The following NPAS3 variants were observed in gnomAD, a reference collection of about 807,000 sequenced individuals.
NPAS3 encodes neuronal PAS domain protein 3, also known as neuronal PAS domain-containing protein 3.
A neutral mutation model predicts 73.1 loss-of-function variants in NPAS3; 14 were observed. The observed-to-expected ratio is 0.19, with a 90% CI of 0.13 to 0.30. The LOEUF (loss-of-function observed/expected upper bound fraction) is 0.30, where lower values mean the gene tolerates loss of function less well. Ranked by LOEUF, NPAS3 falls within the 10% of genes least tolerant of loss-of-function variation. NPAS3 has a pLI of 1.00. For synonymous variants in NPAS3, 620 were observed against 541.5 expected (o/e 1.14, Z -2.01); for missense variants, 1,096 against 1,250.0 (o/e 0.88, Z 1.86).
At chr14:33,732,889 C>A (rs2061434453) in intron 6 of NPAS3, among the ~76,000 whole-genome samples, 1 of 149,160 alleles carries the variant, frequency 6.7e-6, no homozygotes, top group African/African-American at 2.6e-5. Context: ...CTTCACCCAG[C>A]TGGAAGCACC....
chr14:33,411,345 G>T (rs918989099), intron 4 of NPAS3, among the ~76,000 whole-genome samples: 1 of 152,030 alleles, frequency 6.6e-6, no homozygotes, highest in African/African-American at 2.4e-5. Context: ...ACTATGCCCA[G>T]CTAATTTTTG....
chr14:33,308,527 T>TATATATATATATATAC, intron 3 of NPAS3, among the ~76,000 whole-genome samples: 58 of 103,708 alleles, frequency 5.6e-4, no homozygotes, highest in Non-Finnish European at 8.6e-4. Context: ...TATATATATA[T>TATATATATATATATAC]ACATACACAC....
chr14:33,245,275 C>A (rs10146868), intron 3 of NPAS3, among the ~76,000 whole-genome samples: 142,873 of 152,266 alleles, frequency 0.94, 67,157 homozygotes, highest in Non-Finnish European at 0.97. Context: ...ATAATAACTA[C>A]TACTACTGAG....
intron 3 of NPAS3, among the ~76,000 whole-genome samples, chr14:33,359,102 AG>A (rs970438240): frequency 6.6e-6 from 1 of 152,218 alleles, no homozygotes; most frequent in Non-Finnish European, 1.5e-5. Flanking sequence ...GTGGCCCAAA[AG>A]CTAAGGAGAG....
chr14:33,206,378 T>A (rs1359512128), intron 2 of NPAS3, among the ~76,000 whole-genome samples: 1 of 152,156 alleles, frequency 6.6e-6, no homozygotes, highest in African/African-American at 2.4e-5. Flanking sequence ...CCCAGGAATG[T>A]CCTGCTTTTA....
At chr14:33,672,879 T>C (rs2059651430) in intron 5 of NPAS3, among the ~76,000 whole-genome samples, 1 of 152,130 alleles carries the variant, frequency 6.6e-6, no homozygotes, top group East Asian at 1.9e-4. Context: ...TAATAGATGG[T>C]TTTTAAGGTG....
intron 9 of NPAS3, among the ~76,000 whole-genome samples, chr14:33,783,602 G>A (rs1308494224): frequency 1.4e-5 from 2 of 142,076 alleles, no homozygotes; most frequent in Non-Finnish European, 3.1e-5. Context: ...GGGTGGTGTG[G>A]GGGGGCGGGT....
intron 4 of NPAS3, among the ~76,000 whole-genome samples, chr14:33,388,658 G>C (rs2046874686): frequency 6.6e-6 from 1 of 152,128 alleles, no homozygotes. Context: ...GCTGAGACAT[G>C]TTTCAGAAAA....
At chr14:32,988,793 A>G (rs1353777729) in intron 1 of NPAS3, among the ~76,000 whole-genome samples, 1 of 152,230 alleles carries the variant, frequency 6.6e-6, no homozygotes, top group African/African-American at 2.4e-5. Context: ...TACTTAATTT[A>G]TACCCCTTAA....
intron 6 of NPAS3, among the ~76,000 whole-genome samples, chr14:33,722,364 G>T (rs1354766715): frequency 6.6e-6 from 1 of 152,104 alleles, no homozygotes; most frequent in Non-Finnish European, 1.5e-5. Context: ...AAGGAAAGGG[G>T]GGGTAATTCT....
intron 1 of NPAS3, among the ~76,000 whole-genome samples, chr14:32,949,560 G>A (rs1652250707): frequency 6.6e-6 from 1 of 151,952 alleles, no homozygotes. Flanking sequence ...AACCAAATAA[G>A]CAAAGAGAAA....
intron 5 of NPAS3, among the ~76,000 whole-genome samples, chr14:33,629,079 C>CA (rs997604473): frequency 1.2e-4 from 18 of 151,520 alleles, no homozygotes; most frequent in Non-Finnish European, 1.8e-4. Flanking sequence ...AAAAAAATAC[C>CA]AAAAAAATAG....
chr14:33,508,898 C>G (rs1021422552), intron 4 of NPAS3, among the ~76,000 whole-genome samples: 19 of 152,144 alleles, frequency 1.2e-4, no homozygotes, highest in Non-Finnish European at 2.4e-4. Context: ...CATCCCCTGA[C>G]AGGCCCATGG....
intron 7 of NPAS3, among the ~76,000 whole-genome samples, chr14:33,744,750 A>C (rs1415221685): frequency 6.6e-6 from 1 of 151,814 alleles, no homozygotes; most frequent in Non-Finnish European, 1.5e-5. Context: ...AGATTGCGCC[A>C]CTGCACTCCA....
At chr14:33,606,230 C>G (rs1239880184) in intron 5 of NPAS3, among the ~76,000 whole-genome samples, 1 of 129,564 alleles carries the variant, frequency 7.7e-6, no homozygotes, top group Non-Finnish European at 1.6e-5. Context: ...CCCCTCCCCC[C>G]ACCCCACAAC....
At chr14:33,570,678 G>A (rs145611656) in intron 5 of NPAS3, among the ~76,000 whole-genome samples, 2,044 of 152,130 alleles carry the variant, frequency 0.013, 49 homozygotes, top group African/African-American at 0.047. Flanking sequence ...GTAAAAACAC[G>A]GGCCTGCAAC....
intron 2 of NPAS3, among the ~76,000 whole-genome samples, chr14:33,118,184 C>G (rs898658669): frequency 1.3e-5 from 2 of 151,466 alleles, no homozygotes; most frequent in African/African-American, 2.4e-5. Flanking sequence ...TTCATATACT[C>G]AAAAATACTT....
intron 4 of NPAS3, among the ~76,000 whole-genome samples, chr14:33,427,405 A>C (rs1204195769): frequency 2.6e-5 from 4 of 151,952 alleles, no homozygotes; most frequent in Non-Finnish European, 5.9e-5. Context: ...TCCTGTTACA[A>C]ACATCATAAA....
intron 7 of NPAS3, among the ~76,000 whole-genome samples, chr14:33,756,409 T>C (rs1405740906): frequency 6.6e-6 from 1 of 152,182 alleles, no homozygotes; most frequent in Non-Finnish European, 1.5e-5. Context: ...GAATCTTATA[T>C]TGAAAGGTTT....
Sources: allele counts gnomAD v4.1 joint callset (sites outside exome capture counted in the v4.1 genomes callset), GRCh38; gene constraint gnomAD v4.1.1; transcripts MANE v1.5; gene names NCBI Gene and HGNC (gene_info 2026-07-23, HGNC 2026-07-21).